SYNPR: variants seen among roughly 807,000 people sequenced by gnomAD.
SYNPR encodes synaptoporin.
A neutral mutation model predicts 32.9 loss-of-function variants in SYNPR; 23 were observed. The ratio of observed to expected loss-of-function variants is 0.70; its 90% CI spans 0.50 to 0.99. SYNPR has a LOEUF of 0.99. SYNPR is among the 50% of genes least tolerant of loss of function. The probability of loss-of-function intolerance (pLI) is 0.00; values close to 1 mark genes in which losing one functional copy is unlikely to be tolerated. For synonymous variants in SYNPR, 146 were observed against 135.9 expected, an observed-to-expected ratio of 1.07 and a Z score of -0.52; for missense variants, 318 against 349.3, an observed-to-expected ratio of 0.91 and a Z score of 0.71.
chr3:63,304,467 G>A (rs1233545914), intron 2 of SYNPR, among the ~76,000 whole-genome samples: 1 of 151,810 alleles, frequency 6.6e-6, no homozygotes, highest in African/African-American at 2.4e-5. Context: ...AGAGAGACCA[G>A]GCCAAAGAAA....
At chr3:63,575,913 C>T (rs1702971774) in intron 4 of SYNPR, among the ~76,000 whole-genome samples, 1 of 152,176 alleles carries the variant, frequency 6.6e-6, no homozygotes, top group Non-Finnish European at 1.5e-5. Flanking sequence ...AAAAACTAAA[C>T]CAACTGTTTA....
intron 3 of SYNPR, among the ~76,000 whole-genome samples, chr3:63,482,966 C>T (rs1173683160): frequency 1.3e-5 from 2 of 152,012 alleles, no homozygotes; most frequent in Non-Finnish European, 1.5e-5. Flanking sequence ...GTGATAATAT[C>T]CACTATTATA....
At chr3:63,374,617 A>T (rs1055231538) in intron 2 of SYNPR, among the ~76,000 whole-genome samples, 2 of 152,224 alleles carry the variant, frequency 1.3e-5, no homozygotes, top group Admixed American at 6.5e-5. Context: ...AAATAATCCA[A>T]ATTCTATTGT....
chr3:63,475,852 A>G (rs1190615435), intron 2 of SYNPR, among the ~76,000 whole-genome samples: 1 of 151,994 alleles, frequency 6.6e-6, no homozygotes, highest in East Asian at 1.9e-4. Flanking sequence ...AATTGTCTAC[A>G]TTAGGAATTG....
At chr3:63,474,630 T>A (rs1700865690) in intron 2 of SYNPR, among the ~76,000 whole-genome samples, 1 of 152,064 alleles carries the variant, frequency 6.6e-6, no homozygotes, top group Non-Finnish European at 1.5e-5. Context: ...GTGGAAATAC[T>A]TGCACTGTGG....
At chr3:63,347,689 A>C (rs1472726340) in intron 2 of SYNPR, among the ~76,000 whole-genome samples, 3 of 152,120 alleles carry the variant, frequency 2.0e-5, no homozygotes, top group Non-Finnish European at 2.9e-5. Context: ...GTCCCGGTGT[A>C]CACATCATAT....
chr3:63,247,862 C>T (rs997283365), intron 1 of SYNPR, among the ~76,000 whole-genome samples: 4 of 152,080 alleles, frequency 2.6e-5, no homozygotes, highest in African/African-American at 9.7e-5. Context: ...GAAAGGAGTC[C>T]ATCTAGGGCC....
At chr3:63,393,228 T>G (rs904460131) in intron 2 of SYNPR, among the ~76,000 whole-genome samples, 8 of 152,232 alleles carry the variant, frequency 5.3e-5, no homozygotes, top group African/African-American at 1.4e-4. Flanking sequence ...CTAAGATATT[T>G]TACTTTTTTC....
chr3:63,218,836 G>A, the SYNPR span, among the ~76,000 whole-genome samples: 2 of 152,178 alleles, frequency 1.3e-5, no homozygotes, highest in African/African-American at 4.8e-5. Flanking sequence ...GTTAAGATTG[G>A]TTCTGCGGCT....
At chr3:63,384,030 T>C (rs1288107957) in intron 2 of SYNPR, among the ~76,000 whole-genome samples, 2 of 152,228 alleles carry the variant, frequency 1.3e-5, no homozygotes, top group South Asian at 2.1e-4. Flanking sequence ...TCTAATGACA[T>C]CTCTGTATCA....
At chr3:63,452,179 C>G (rs944186442) in intron 2 of SYNPR, 5 of 682,852 alleles carry the variant, frequency 7.3e-6, no homozygotes, top group African/African-American at 7.1e-5. Flanking sequence ...TTTGTGCATT[C>G]TATGTAATAC....
chr3:63,422,470 G>A (rs1234006990), intron 2 of SYNPR, among the ~76,000 whole-genome samples: 1 of 152,170 alleles, frequency 6.6e-6, no homozygotes, highest in Non-Finnish European at 1.5e-5. Context: ...GAAACTTAGA[G>A]GTGACGGAAA....
At chr3:63,384,918 C>A (rs1452690057) in intron 2 of SYNPR, among the ~76,000 whole-genome samples, 1 of 152,168 alleles carries the variant, frequency 6.6e-6, no homozygotes, top group Non-Finnish European at 1.5e-5. Context: ...AAGAAGAGCT[C>A]TTACCCTCTA....
intron 2 of SYNPR, among the ~76,000 whole-genome samples, chr3:63,324,282 A>G (rs2087140567): frequency 1.3e-5 from 2 of 152,272 alleles, no homozygotes; most frequent in East Asian, 3.9e-4. Flanking sequence ...TGAGCTTTGA[A>G]CTAGTATCAG....
At chr3:63,373,613 C>T (rs972370314) in intron 2 of SYNPR, among the ~76,000 whole-genome samples, 6 of 152,012 alleles carry the variant, frequency 3.9e-5, no homozygotes, top group African/African-American at 9.7e-5. Context: ...TCATTGGTAA[C>T]GTTGAAAGTG....
chr3:63,217,077 C>T, the SYNPR span, among the ~76,000 whole-genome samples: 1 of 26,716 alleles, frequency 3.7e-5, no homozygotes, highest in African/African-American at 1.3e-4. Flanking sequence ...CTCAGATCTC[C>T]AGCTGCGTGC....
At chr3:63,565,578 C>T (rs1422717810) in intron 4 of SYNPR, among the ~76,000 whole-genome samples, 1 of 152,134 alleles carries the variant, frequency 6.6e-6, no homozygotes, top group East Asian at 1.9e-4. Context: ...CTCTTAAGTG[C>T]CCTACTTCTT....
At chr3:63,483,671 C>T (rs1431581402) in intron 3 of SYNPR, among the ~76,000 whole-genome samples, 1 of 151,936 alleles carries the variant, frequency 6.6e-6, no homozygotes, top group Non-Finnish European at 1.5e-5. Context: ...AATGATAAGA[C>T]ACAGCTTCTG....
intron 3 of SYNPR, among the ~76,000 whole-genome samples, chr3:63,528,565 A>G (rs1559527125): frequency 6.6e-6 from 1 of 152,196 alleles, no homozygotes; most frequent in South Asian, 2.1e-4. Context: ...TTCTAACACT[A>G]AAACGTGTTG....
Sources: gnomAD v4.1 joint callset for allele counts (sites outside exome capture counted in the v4.1 genomes callset) on GRCh38, gnomAD v4.1.1 for gene constraint, MANE v1.5 for transcripts, NCBI Gene and HGNC (gene_info 2026-07-23, HGNC 2026-07-21) for gene names.